The following PARD3B variants were observed in gnomAD, a reference collection of about 807,000 sequenced individuals.
The protein encoded by PARD3B is partitioning defective 3 homolog B.
Under a neutral mutation model 130.2 loss-of-function variants are expected in PARD3B, and 103 were observed. The ratio of observed to expected loss-of-function variants is 0.79; its 90% CI spans 0.67 to 0.93. The LOEUF (loss-of-function observed/expected upper bound fraction) is 0.93, where lower values mean the gene tolerates loss of function less well. PARD3B is among the 40% of genes least tolerant of loss of function. The pLI, the probability that PARD3B is intolerant of heterozygous loss-of-function variation, is 0.00. For missense variants in PARD3B, 1,609 were observed against 1,499.2 expected (o/e 1.07, Z -1.21); for synonymous variants, 583 against 553.2 (o/e 1.05, Z -0.76).
chr2:205,318,091 G>A (rs576437080), intron 18 of PARD3B, among the ~76,000 whole-genome samples: 8 of 152,142 alleles, frequency 5.3e-5, no homozygotes, highest in South Asian at 2.1e-4. Flanking sequence ...ACCCACCAGC[G>A]AACAGTAAAA....
intron 21 of PARD3B, among the ~76,000 whole-genome samples, chr2:205,500,357 A>G (rs1254875470): frequency 6.6e-6 from 1 of 152,188 alleles, no homozygotes; most frequent in Non-Finnish European, 1.5e-5. Context: ...TTCTTGCAAC[A>G]CAAGCCATCT....
chr2:205,476,669 G>T (rs563279445), intron 20 of PARD3B, among the ~76,000 whole-genome samples: 1 of 151,994 alleles, frequency 6.6e-6, no homozygotes, highest in Admixed American at 6.6e-5. Context: ...AATGAATTTT[G>T]CATTACCCTC....
intron 1 of PARD3B, among the ~76,000 whole-genome samples, chr2:204,577,016 G>T (rs1394732310): frequency 6.6e-6 from 1 of 151,918 alleles, no homozygotes; most frequent in African/African-American, 2.4e-5. Context: ...AATAAAACTT[G>T]AAAAAAATTA....
intron 3 of PARD3B, among the ~76,000 whole-genome samples, chr2:205,028,452 A>G (rs2125353608): frequency 6.6e-6 from 1 of 152,242 alleles, no homozygotes; most frequent in Admixed American, 6.6e-5. Context: ...ATTTATCGCA[A>G]CATAACAAAG....
chr2:205,519,049 G>GA (rs2050916379), intron 21 of PARD3B, among the ~76,000 whole-genome samples: 1 of 152,134 alleles, frequency 6.6e-6, no homozygotes. Flanking sequence ...TGGAAAATCT[G>GA]ATGATTGTGT....
chr2:204,776,337 T>C (rs533017488), intron 2 of PARD3B, among the ~76,000 whole-genome samples: 37 of 152,250 alleles, frequency 2.4e-4, no homozygotes, highest in African/African-American at 8.9e-4. Flanking sequence ...TTAAGATTTT[T>C]AATATGGAGG....
chr2:204,757,084 G>C (rs1042445795), intron 2 of PARD3B, among the ~76,000 whole-genome samples: 1 of 152,112 alleles, frequency 6.6e-6, no homozygotes, highest in Non-Finnish European at 1.5e-5. Flanking sequence ...TGCTGCAAAG[G>C]ACATCATCTC....
At chr2:205,340,524 G>T (rs1477874695) in intron 18 of PARD3B, among the ~76,000 whole-genome samples, 1 of 152,074 alleles carries the variant, frequency 6.6e-6, no homozygotes, top group Non-Finnish European at 1.5e-5. Context: ...AATAAATGGT[G>T]TGGGAAAACT....
chr2:204,888,195 A>G (rs2046326621), intron 2 of PARD3B, among the ~76,000 whole-genome samples: 1 of 152,176 alleles, frequency 6.6e-6, no homozygotes, highest in Non-Finnish European at 1.5e-5. Flanking sequence ...AATAGCTACT[A>G]AACATTTGTG....
intron 21 of PARD3B, among the ~76,000 whole-genome samples, chr2:205,551,012 T>G (rs2052621849): frequency 7.1e-6 from 1 of 141,386 alleles, no homozygotes; most frequent in East Asian, 2.1e-4. Flanking sequence ...CATAATCTGT[T>G]CCTCGAGGCA....
intron 10 of PARD3B, among the ~76,000 whole-genome samples, chr2:205,132,417 T>C (rs2032085732): frequency 6.6e-6 from 1 of 152,144 alleles, no homozygotes; most frequent in Non-Finnish European, 1.5e-5. Context: ...TCGGCATTTT[T>C]CTTCCCCTAC....
rs994668148 is a variant in PARD3B at position 205,480,777 on chromosome 2, G to C, written c.3045-19119G>C. 2.0e-5 allele frequency among the ~76,000 whole-genome samples: 3 copies of C among 152,138 alleles called. 1 individual carries two copies. The highest frequency in any genetic ancestry group is 7.2e-5 in the African/African-American group (3 of 41,420). On this transcript the variant is annotated intron_variant, in intron 20 of 22. Coordinates refer to ENST00000406610, the MANE Select transcript of PARD3B (RefSeq NM_001302769.2). The stretch of plus-strand genomic sequence containing the variant: ...AGACATGGAGAAGTGAGAATTGATA[G>C]ATAATGAAGTTGATACATTCAGGGG...
chr2:204,878,575 G>T (rs2045929893), intron 2 of PARD3B, among the ~76,000 whole-genome samples: 2 of 152,024 alleles, frequency 1.3e-5, no homozygotes, highest in Admixed American at 6.6e-5. Context: ...AGAATGAACT[G>T]TTAGTAACAT....
At chr2:205,060,170 A>G (rs1384279029) in intron 4 of PARD3B, among the ~76,000 whole-genome samples, 1 of 152,066 alleles carries the variant, frequency 6.6e-6, no homozygotes, top group Non-Finnish European at 1.5e-5. Context: ...TGCTTTGGGC[A>G]ATCTTCCTTT....
intron 2 of PARD3B, among the ~76,000 whole-genome samples, chr2:204,848,706 A>G (rs1215638468): frequency 2.0e-5 from 3 of 150,758 alleles, no homozygotes; most frequent in Non-Finnish European, 3.0e-5. Context: ...ATGTATCTAT[A>G]TATATATTTT....
At chr2:204,995,064 A>T (rs952584820) in intron 3 of PARD3B, among the ~76,000 whole-genome samples, 1 of 151,248 alleles carries the variant, frequency 6.6e-6, no homozygotes, top group Admixed American at 6.6e-5. Flanking sequence ...TTAATTGGAG[A>T]ATTTAGTTCA....
At chr2:204,980,368 A>C (rs956874239) in intron 3 of PARD3B, among the ~76,000 whole-genome samples, 2 of 152,194 alleles carry the variant, frequency 1.3e-5, no homozygotes, top group African/African-American at 4.8e-5. Flanking sequence ...AAATAAAACT[A>C]GTAGTGCTTA....
chr2:205,211,548 A>C (rs1298170189), intron 15 of PARD3B, among the ~76,000 whole-genome samples: 1 of 152,116 alleles, frequency 6.6e-6, no homozygotes, highest in East Asian at 1.9e-4. Flanking sequence ...CAATAAGTGA[A>C]TAAAGTTGCT....
intron 16 of PARD3B, among the ~76,000 whole-genome samples, chr2:205,255,792 C>T (rs1007588824): frequency 1.9e-4 from 29 of 152,180 alleles, no homozygotes; most frequent in Admixed American, 1.9e-3. Context: ...CATGCACTCT[C>T]TCCAGGCATC....
Sources: gnomAD v4.1 joint callset for allele counts (sites outside exome capture counted in the v4.1 genomes callset) on GRCh38, gnomAD v4.1.1 for gene constraint, MANE v1.5 for transcripts, NCBI Gene and HGNC (gene_info 2026-07-23, HGNC 2026-07-21) for gene names.